Variants in TAF12 observed in about 807,000 individuals in gnomAD.
TAF12 encodes transcription initiation factor TFIID subunit 12.
In TAF12, 3 loss-of-function variants were observed where a neutral mutation model predicts 20.8. The observed-to-expected ratio is 0.14, with a 90% confidence interval of 0.07 to 0.37. The LOEUF (loss-of-function observed/expected upper bound fraction) is 0.37, where lower values mean the gene tolerates loss of function less well. TAF12 is among the 10% of genes least tolerant of loss of function. TAF12 has a pLI of 1.00. For missense variants in TAF12, 131 were observed against 197.9 expected, an observed-to-expected ratio of 0.66 and a Z score of 2.03; for synonymous variants, 69 against 70.2, an observed-to-expected ratio of 0.98 and a Z score of 0.09.
upstream of TAF12, chr1:28,643,196 T>A (rs1053945943): frequency 3.7e-6 from 3 of 809,468 alleles, no homozygotes; most frequent in Non-Finnish European, 4.5e-6. Flanking sequence ...GTGGTGGCGA[T>A]ATTGAGCTGT....
chr1:28,624,409 C>T lies in TAF12; in HGVS notation c.-84-2244G>A, dbSNP rs139635681. ...TCTACTGTATCTATCCTACTCTTGT[C>T]CCTAGTCCTGAGTTCCTCCTCACCA... On this transcript the variant is annotated intron_variant, in intron 1 of 5. Transcript: ENST00000373824. 2.2e-3 allele frequency among the ~76,000 whole-genome samples: 342 copies of T among 152,264 alleles called. 2 individuals are homozygous for T. The highest frequency in any genetic ancestry group is 7.8e-3 in the African/African-American group (324 of 41,562).
intron 1 of TAF12, chr1:28,642,653 A>C (rs1570347205): frequency 2.0e-6 from 2 of 983,826 alleles, no homozygotes; most frequent in South Asian, 4.7e-5. Flanking sequence ...CTCCACTTTT[A>C]CCTCTCCGGA....
intron 1 of TAF12, among the ~76,000 whole-genome samples, chr1:28,635,400 G>A (rs1002663047): frequency 2.0e-4 from 29 of 147,856 alleles, no homozygotes; most frequent in African/African-American, 7.2e-4. Context: ...CCACCTCCTG[G>A]GCTCACACCA....
At chr1:28,644,087 T>C (rs781712972), upstream of TAF12, among the ~76,000 whole-genome samples, 2 of 151,814 alleles carry the variant, frequency 1.3e-5, no homozygotes, top group Non-Finnish European at 2.9e-5. Flanking sequence ...TATTTTTTAC[T>C]GTATGCTGGA....
At chr1:28,644,007 C>T (rs1383999733), upstream of TAF12, among the ~76,000 whole-genome samples, 1 of 151,030 alleles carries the variant, frequency 6.6e-6, no homozygotes, top group Non-Finnish European at 1.5e-5. Flanking sequence ...GCCGAGATCG[C>T]GCCACTGCAC....
In TAF12 at chr1:28,619,425, G is replaced by A. The variant is rs373778451; in HGVS notation, c.169-1395C>T. Among the ~76,000 whole-genome samples, 26 of 149,030 alleles carry A rather than the reference G, an allele frequency of 1.7e-4. No homozygotes were observed. The East Asian group carries it at 2.0e-3, about 11-fold the overall frequency. On this transcript the variant is annotated intron_variant, in intron 2 of 5. Transcript: ENST00000373824. ...AGGCAGGAGAATGGCGTGAACCCGG[G>A]AGGCAGAGCTTGCAGTGAGACGAGA...
chr1:28,646,678 TG>T (rs1390153438), upstream of TAF12, among the ~76,000 whole-genome samples: 1 of 150,378 alleles, frequency 6.6e-6, no homozygotes, highest in Non-Finnish European at 1.5e-5. Flanking sequence ...TACAGGCACC[TG>T]CCACCACACT....
chr1:28,638,692 G>C (rs1006119703), intron 1 of TAF12, among the ~76,000 whole-genome samples: 7 of 149,528 alleles, frequency 4.7e-5, no homozygotes, highest in African/African-American at 1.7e-4. Context: ...TACCATGTTG[G>C]CCAGGCTGGT....
chr1:28,606,255 C>A (rs953940896), intron 4 of TAF12, among the ~76,000 whole-genome samples: 1 of 152,094 alleles, frequency 6.6e-6, no homozygotes, highest in African/African-American at 2.4e-5. Context: ...CCTCGAACTC[C>A]CAAAGTTCTA....
chr1:28,609,323 G>A (rs545174138), intron 4 of TAF12, among the ~76,000 whole-genome samples: 26 of 151,828 alleles, frequency 1.7e-4, no homozygotes, highest in Middle Eastern at 3.4e-3. Flanking sequence ...GGAAATGCCC[G>A]CCTCGGCCTC....
intron 4 of TAF12, among the ~76,000 whole-genome samples, chr1:28,607,851 A>C (rs1666719166): frequency 6.6e-6 from 1 of 151,590 alleles, no homozygotes; most frequent in South Asian, 2.1e-4. Flanking sequence ...AAGAAAACAA[A>C]AAGGGCCAGG....
At chr1:28,617,781 C>T (rs1333867059) in intron 3 of TAF12, among the ~76,000 whole-genome samples, 172 bp downstream of exon 3, 1 of 151,928 alleles carries the variant, frequency 6.6e-6, no homozygotes, top group Admixed American at 6.6e-5. Flanking sequence ...TTTGCAGAGA[C>T]AAGGTCTCAT....
intron 4 of TAF12, among the ~76,000 whole-genome samples, chr1:28,609,123 C>T (rs934018305): frequency 2.0e-5 from 3 of 152,024 alleles, no homozygotes; most frequent in Admixed American, 6.6e-5. Flanking sequence ...GTTGCCCAGG[C>T]TGGAGTGCAA....
chr1:28,632,766 T>G (rs892598523), intron 1 of TAF12, among the ~76,000 whole-genome samples: 1 of 152,158 alleles, frequency 6.6e-6, no homozygotes, highest in African/African-American at 2.4e-5. Context: ...GAAATTGTTC[T>G]GTATCTTGAG....
At chr1:28,641,740 G>T (rs1281443902) in intron 1 of TAF12, among the ~76,000 whole-genome samples, 1 of 145,284 alleles carries the variant, frequency 6.9e-6, no homozygotes, top group Non-Finnish European at 1.5e-5. Flanking sequence ...GGTGCACGGG[G>T]CCAAGACTGA....
intron 3 of TAF12, among the ~76,000 whole-genome samples, chr1:28,616,804 C>T (rs1408163260): frequency 1.3e-5 from 2 of 151,896 alleles, no homozygotes; most frequent in Non-Finnish European, 2.9e-5. Context: ...TTCTCATCTA[C>T]CATAATAGGG....
At chr1:28,640,243 T>A (rs4252965) in intron 1 of TAF12, among the ~76,000 whole-genome samples, 212 of 152,376 alleles carry the variant, frequency 1.4e-3, no homozygotes, top group African/African-American at 4.9e-3. Flanking sequence ...TTGAATAATC[T>A]ATGCTTCTGT....
intron 1 of TAF12, among the ~76,000 whole-genome samples, chr1:28,624,489 G>A (rs1043037112): frequency 7.9e-5 from 12 of 152,160 alleles, no homozygotes; most frequent in Admixed American, 5.2e-4. Flanking sequence ...GCTCATGCCT[G>A]TAATCCCAGC....
At chr1:28,647,284 A>G (rs775273583), upstream of TAF12, among the ~76,000 whole-genome samples, 1 of 148,504 alleles carries the variant, frequency 6.7e-6, no homozygotes, top group African/African-American at 2.4e-5. Flanking sequence ...ATTGTCACAT[A>G]TTGTTTTTTT....
Sources: gnomAD v4.1 joint callset for allele counts (sites outside exome capture counted in the v4.1 genomes callset) on GRCh38, gnomAD v4.1.1 for gene constraint, MANE v1.5 for transcripts, NCBI Gene and HGNC (gene_info 2026-07-23, HGNC 2026-07-21) for gene names.